Variants in FREM1 observed in about 807,000 individuals in gnomAD.
FREM1 encodes the protein FRAS1 related extracellular matrix 1.
A neutral mutation model predicts 210.1 loss-of-function variants in FREM1; 220 were observed. The ratio of observed to expected loss-of-function variants is 1.05; its 90% CI spans 0.94 to 1.17. FREM1 has a LOEUF of 1.17. FREM1 is among the 50% of genes most tolerant of loss of function. The pLI is 0.00. For missense variants in FREM1, 3,454 were observed against 2,675.5 expected, an observed-to-expected ratio of 1.29 and a Z score of -6.42; for synonymous variants, 1,189 against 980.2, an observed-to-expected ratio of 1.21 and a Z score of -3.98.
chr9:14,824,842 G>C lies in FREM1; in HGVS notation c.2032C>G (p.Leu678Val), dbSNP rs775095020. ...GGAGGAGTAGTTATTGTGTAGACCA[G>C]CTCCCTGTCATATGATTCTGAATCT... is the stretch of plus-strand genomic sequence containing the variant. ...FIDSESYDRELVYTITTPPFF... is the reference protein window; with the variant it reads ...FIDSESYDREVVYTITTPPFF... The change falls in exon 11 of 37, where the codon CTG becomes GTG. Residue 678 changes from leucine to valine, a missense_variant. Coordinates refer to ENST00000380880, the MANE Select transcript of FREM1 (RefSeq NM_001379081.2). 8 of 1,613,070 alleles carry C rather than the reference G, an allele frequency of 5.0e-6. No individual in the cohort carries two copies. In the East Asian group the frequency reaches 1.6e-4, roughly 31 times the overall value.
chr9:14,817,074 C>A (rs576176151), intron 14 of FREM1, among the ~76,000 whole-genome samples: 1 of 152,234 alleles, frequency 6.6e-6, no homozygotes, highest in Non-Finnish European at 1.5e-5. Context: ...ATTGCTCCAC[C>A]CTGGAAAAAT....
At position 14,884,652 on chromosome 9, in the gene FREM1, T is replaced by C. The variant is rs927518692; in HGVS notation, c.-267-15408A>G. Among the ~76,000 whole-genome samples, 30 of 152,192 alleles carry C rather than the reference T, an allele frequency of 2.0e-4. 1 individual carries two copies. The highest frequency in any genetic ancestry group is 6.8e-4 in the African/African-American group (28 of 41,442). ...TCAGCTTAACTATATGAGCATGTAT[T>C]CTTCATGTTGATATAAACATGATAC... On this transcript the variant is annotated intron_variant, in intron 1 of 36. Transcript: ENST00000380880.
chr9:14,859,249 C>T lies in FREM1; in HGVS notation c.565G>A (p.Val189Ile). The T allele has an allele frequency of 6.2e-7, 1 of 1,612,982 alleles. No homozygotes were observed. The highest frequency in any genetic ancestry group is 8.5e-7 in the Non-Finnish European group (1 of 1,179,106). Residue 189 changes from valine (V) to isoleucine (I), a missense_variant, in exon 4 of 37, where the codon GTT becomes ATT. By Grantham distance (29) the Val-to-Ile change is conservative. Coordinates refer to ENST00000380880, the MANE Select transcript of FREM1 (RefSeq NM_001379081.2). ...TCTTCTGGTCGAGGCTCCCCGAGAA[C>T]CATCTGGCCATGGGCTGGCAGCCGA... The part of the protein sequence containing the change: ...RTRLPAHGQM[V>I]LGEPRPEEPR...
At chr9:14,813,178 TG>T in intron 15 of FREM1, 114 bp from the exon 16 acceptor site, 1 of 1,143,174 alleles carries the variant, frequency 8.7e-7, no homozygotes, top group Non-Finnish European at 1.2e-6. Flanking sequence ...TACAGACACA[TG>T]AAACAACAGC....
chr9:14,906,459 T>C (rs1424767824), intron 1 of FREM1, among the ~76,000 whole-genome samples: 1 of 152,200 alleles, frequency 6.6e-6, no homozygotes, highest in Non-Finnish European at 1.5e-5. Context: ...ATTGCTGTTG[T>C]GTTGTTGCTC....
chr9:14,841,472 T>C lies in FREM1; in HGVS notation c.1856A>G (p.Glu619Gly). The C allele has an allele frequency of 6.2e-7, 1 of 1,610,410 alleles. No individual in the cohort carries two copies. Among genetic ancestry groups the C allele is most frequent in the African/African-American group, 1.3e-5 (1 of 74,996 alleles). The change falls in exon 10 of 37, where the codon GAA becomes GGA. Residue 619 changes from glutamate (E) to glycine (G), a missense_variant. Glu to Gly is a moderately conservative substitution (Grantham distance 98). Coordinates refer to ENST00000380880, the MANE Select transcript of FREM1 (RefSeq NM_001379081.2). ...CTGTGGCACTGAAAGATTTGGAGGT[T>C]CATGGCTGTCCCACAGGACAAATTG... ...SFQFVLWDSH[E>G]PPNLSVPQVA...
In FREM1 at chr9:14,819,361, T is replaced by C. The variant is rs1229701586; in HGVS notation, c.2419A>G (p.Thr807Ala). ...TEHILISDADTKLDNIDLSLR... is the reference protein window; with the variant it reads ...TEHILISDADAKLDNIDLSLR... ...GAGAGGTCAATATTGTCCAGCTTGGTATCTGCATCAGAAATTAGAATGTGC... is the reference window on the plus strand; with the variant it reads ...GAGAGGTCAATATTGTCCAGCTTGGCATCTGCATCAGAAATTAGAATGTGC... The change falls in exon 14 of 37, where the codon ACC becomes GCC. Residue 807 changes from threonine to alanine, a missense_variant. Thr to Ala is a moderately conservative substitution (Grantham distance 58, BLOSUM62 0). Coordinates refer to ENST00000380880, the MANE Select transcript of FREM1 (RefSeq NM_001379081.2). 1 of 1,613,614 alleles carries C rather than the reference T, an allele frequency of 6.2e-7. No individual in the cohort carries two copies. The highest frequency in any genetic ancestry group is 1.7e-5 in the Admixed American group (1 of 59,990).
chr9:14,868,965 T>A lies in FREM1; in HGVS notation c.13A>T (p.Ser5Cys), dbSNP rs757611629. 2 of 1,577,874 alleles carry A rather than the reference T, an allele frequency of 1.3e-6. No homozygotes were observed. The highest frequency in any genetic ancestry group is 8.6e-7 in the Non-Finnish European group (1 of 1,164,808). Residue 5 changes from serine to cysteine, a missense_variant, in exon 2 of 37, where the codon AGT (serine) becomes TGT (cysteine). Physicochemically the swap from Ser to Cys is moderately radical, Grantham distance 112 (BLOSUM62 -1). Transcript: ENST00000380880. MNSL[S>C]WGAANAVLLL... ...AGCACGGCATTCGCAGCCCCCCAAC[T>A]CAGAGAGTTCATGCTGACAGGGCCC...
In FREM1 at chr9:14,845,940, T is replaced by C; in HGVS notation, c.1393+20A>G. ...AATACTTTTGGATTCTTTGCTAGGT[T>C]ACCAAGTTGGATCATTCACCTCTTA... On this transcript the variant is annotated intron_variant, in intron 8 of 36. Coordinates refer to ENST00000380880, the MANE Select transcript of FREM1 (RefSeq NM_001379081.2). 6.2e-7 allele frequency: 1 copy of C among 1,612,828 alleles called. No individual in the cohort carries two copies. The highest frequency in any genetic ancestry group is 1.1e-5 in the South Asian group (1 of 90,950).
rs202061942 is a variant in FREM1, at chr9:14,776,130, G to A, written c.4516C>T (p.Leu1506=). Residue 1506 remains leucine (L), a synonymous_variant, in exon 25 of 37, where the codon CTG becomes TTG. Coordinates refer to ENST00000380880, the MANE Select transcript of FREM1 (RefSeq NM_001379081.2). ...CCCTTGTTCCTGGTTACCACAGGCA[G>A]GGCTCTGTCCACAGTCTCCAGTGTG... ...EITLETVDRA[L]PVVTRNKGLR... The A allele has an allele frequency of 6.3e-7, 1 of 1,589,318 alleles. No individual in the cohort carries two copies. Among genetic ancestry groups the A allele is most frequent in the East Asian group, 2.2e-5 (1 of 44,674 alleles).
intron 1 of FREM1, among the ~76,000 whole-genome samples, chr9:14,888,352 C>T (rs1426994535): frequency 6.6e-6 from 1 of 152,200 alleles, no homozygotes; most frequent in Non-Finnish European, 1.5e-5. Flanking sequence ...CACTGCTTCA[C>T]ATCACACCAA....
At chr9:14,850,199 CT>C (rs1432273228) in intron 6 of FREM1, among the ~76,000 whole-genome samples, 1 of 152,140 alleles carries the variant, frequency 6.6e-6, no homozygotes, top group Non-Finnish European at 1.5e-5. Flanking sequence ...ACCAGCTGTC[CT>C]CCCCTCCCAC....
At chr9:14,905,213 A>G (rs1332001778) in intron 1 of FREM1, among the ~76,000 whole-genome samples, 1 of 152,244 alleles carries the variant, frequency 6.6e-6, no homozygotes, top group African/African-American at 2.4e-5. Flanking sequence ...GAGAAGCTCA[A>G]TAAATATCAG....
chr9:14,871,084 T>C (rs1327722042), intron 1 of FREM1, among the ~76,000 whole-genome samples: 2 of 152,142 alleles, frequency 1.3e-5, no homozygotes, highest in Non-Finnish European at 1.5e-5. Context: ...TTCCAAGTCT[T>C]TGCTATTGTG....
At chr9:14,862,986 T>C (rs577192152) in intron 3 of FREM1, among the ~76,000 whole-genome samples, 1 of 152,250 alleles carries the variant, frequency 6.6e-6, no homozygotes, top group Admixed American at 6.5e-5. Flanking sequence ...CTTATATATA[T>C]GCGTAGGAGA....
intron 8 of FREM1, 129 bp downstream of exon 8, chr9:14,845,831 A>G (rs1434275184): frequency 2.2e-6 from 2 of 919,346 alleles, no homozygotes; most frequent in Admixed American, 4.8e-5. Context: ...AGATCTCCAG[A>G]TTTTCTGCAT....
intron 1 of FREM1, among the ~76,000 whole-genome samples, chr9:14,896,466 C>A (rs1319258056): frequency 1.3e-5 from 2 of 148,290 alleles, no homozygotes; most frequent in Admixed American, 6.9e-5. Context: ...ATTGCTTAAA[C>A]TGGGGGAGAC....
chr9:14,786,089 G>T (rs1850383665), intron 23 of FREM1, among the ~76,000 whole-genome samples: 1 of 152,090 alleles, frequency 6.6e-6, no homozygotes, highest in Non-Finnish European at 1.5e-5. Flanking sequence ...TCTATGTCAG[G>T]TACAGAACTA....
chr9:14,746,916 C>G lies in FREM1; in HGVS notation c.6138+7G>C, dbSNP rs1360058250. ...AAAGGTGCTTGGCTGCTCAGCCTGCCTCCTACCTTGGTTTGGGGACTCCAG... is the reference window on the plus strand; with the variant it reads ...AAAGGTGCTTGGCTGCTCAGCCTGCGTCCTACCTTGGTTTGGGGACTCCAG... On this transcript the variant is annotated splice_region_variant and intron_variant, in intron 34 of 36. Transcript: ENST00000380880. The G allele has an allele frequency of 3.1e-6, 5 of 1,612,064 alleles. No homozygotes were observed. The highest frequency in any genetic ancestry group is 1.3e-5 in the African/African-American group (1 of 74,968).
Sources: gnomAD v4.1 joint callset for allele counts (sites outside exome capture counted in the v4.1 genomes callset) on GRCh38, gnomAD v4.1.1 for gene constraint, MANE v1.5 for transcripts, NCBI Gene and HGNC (gene_info 2026-07-23, HGNC 2026-07-21) for gene names.